Variants in FRMPD2 observed in about 807,000 individuals in gnomAD.
FRMPD2 encodes FERM and PDZ domain-containing protein 2.
In FRMPD2, 96 loss-of-function variants were observed where a neutral mutation model predicts 140.1. That is an observed-to-expected ratio of 0.69 (90% confidence interval 0.58 to 0.81). FRMPD2 has a LOEUF of 0.81. FRMPD2 is among the 40% of genes least tolerant of loss of function. The probability of loss-of-function intolerance (pLI) is 0.00; values close to 1 mark genes in which losing one functional copy is unlikely to be tolerated. For missense variants in FRMPD2, 1,240 were observed against 1,447.4 expected (o/e 0.86, Z 2.32); for synonymous variants, 449 against 547.6 (o/e 0.82, Z 2.52).
At chr10:48,186,173 G>T (rs1247983473) in intron 17 of FRMPD2, among the ~76,000 whole-genome samples, 1 of 152,224 alleles carries the variant, frequency 6.6e-6, no homozygotes, top group Admixed American at 6.5e-5. Flanking sequence ...GAGCCCTGAA[G>T]CTGTTCCTGG....
intron 10 of FRMPD2, among the ~76,000 whole-genome samples, chr10:48,226,643 T>C (rs1039366559): frequency 6.6e-6 from 1 of 152,208 alleles, no homozygotes; most frequent in Non-Finnish European, 1.5e-5. Context: ...AAAGGCAACA[T>C]CCTTATCTTC....
intron 13 of FRMPD2, among the ~76,000 whole-genome samples, chr10:48,207,720 C>T (rs1210751056): frequency 6.6e-6 from 1 of 152,194 alleles, no homozygotes; most frequent in Non-Finnish European, 1.5e-5. Flanking sequence ...CTCTGGGACC[C>T]ACAGCAAGGA....
At chr10:48,211,346 G>A (rs1018843821) in intron 13 of FRMPD2, among the ~76,000 whole-genome samples, 32 of 152,382 alleles carry the variant, frequency 2.1e-4, no homozygotes, top group African/African-American at 7.5e-4. Flanking sequence ...GCTATGTTGA[G>A]GACTGCTGCC....
intron 1 of FRMPD2, among the ~76,000 whole-genome samples, chr10:48,269,585 C>T (rs948424171): frequency 6.6e-6 from 1 of 152,212 alleles, no homozygotes; most frequent in Non-Finnish European, 1.5e-5. Flanking sequence ...GCTGATGGGA[C>T]TCAGGCAGGG....
At chr10:48,190,978 G>T (rs1812884168) in intron 16 of FRMPD2, among the ~76,000 whole-genome samples, 1 of 152,196 alleles carries the variant, frequency 6.6e-6, no homozygotes, top group Non-Finnish European at 1.5e-5. Context: ...GGTGACAAAT[G>T]AAAGATGTTC....
At position 48,216,151 on chromosome 10, in the gene FRMPD2, C is replaced by G. The variant is rs7080982; in HGVS notation, c.1456-4042G>C. Among the ~76,000 whole-genome samples, 594 of 152,320 alleles carry G rather than the reference C, an allele frequency of 3.9e-3. 2 individuals carry two copies. Among genetic ancestry groups the G allele is most frequent in the African/African-American group, 0.014 (568 of 41,564 alleles). On this transcript the variant is annotated intron_variant, in intron 12 of 28. Coordinates refer to ENST00000374201, the MANE Select transcript of FRMPD2 (RefSeq NM_001018071.4). ...CCGGGTTTACAGCCTGCTAACTACA[C>G]AGCTTGAGGCTTCTCAGCCTACATA...
intron 23 of FRMPD2, 42 bp from the exon 24 acceptor site, chr10:48,174,997 G>A (rs1360785544): frequency 1.4e-5 from 10 of 703,458 alleles, no homozygotes; most frequent in Middle Eastern, 4.0e-4. Flanking sequence ...TGGTGCTTGA[G>A]GCTGCAGGAG....
At chr10:48,228,961 G>A (rs146671355) in intron 10 of FRMPD2, among the ~76,000 whole-genome samples, 2,687 of 152,076 alleles carry the variant, frequency 0.018, 71 homozygotes, top group African/African-American at 0.06. Context: ...AGAAATTTTT[G>A]TGTGATCAAG....
At position 48,215,023 on chromosome 10, in the gene FRMPD2, G is replaced by A. The variant is rs116324359; in HGVS notation, c.1456-2914C>T. ...GCACCCAGAGGAAAGTTATTCTGCTGTGATGATGTGATTAAGGAGATTTAT... is the reference window on the plus strand; with the variant it reads ...GCACCCAGAGGAAAGTTATTCTGCTATGATGATGTGATTAAGGAGATTTAT... On this transcript the variant is annotated intron_variant, in intron 12 of 28. Transcript: ENST00000374201. 3.3e-3 allele frequency among the ~76,000 whole-genome samples: 496 copies of A among 152,352 alleles called. 4 individuals carry two copies. The highest frequency in any genetic ancestry group is 0.011 in the African/African-American group (444 of 41,580).
At chr10:48,201,988 C>A (rs1839096837) in intron 14 of FRMPD2, among the ~76,000 whole-genome samples, 2 of 151,528 alleles carry the variant, frequency 1.3e-5, no homozygotes, top group African/African-American at 4.8e-5. Flanking sequence ...GGTCACACCA[C>A]AAAGAAACGC....
Position 48,219,983 on chromosome 10 carries a change from T to C in FRMPD2, c.1455+2330A>G, listed in dbSNP as rs914877373. 4.6e-5 allele frequency among the ~76,000 whole-genome samples: 7 copies of C among 152,172 alleles called. No individual in the cohort carries two copies. In the East Asian group the frequency reaches 1.3e-3, roughly 29 times the overall value. On this transcript the variant is annotated intron_variant, in intron 12 of 28. Coordinates refer to ENST00000374201, the MANE Select transcript of FRMPD2 (RefSeq NM_001018071.4). ...AACTTCAGATCACTCTTCTAGAAAA[T>C]TGAGTGATAATATCAACTCTATGAT...
chr10:48,216,065 A>C (rs1839439766), intron 12 of FRMPD2, among the ~76,000 whole-genome samples: 1 of 152,216 alleles, frequency 6.6e-6, no homozygotes, highest in Non-Finnish European at 1.5e-5. Flanking sequence ...GACTCTCTTC[A>C]TGCCAGTTCT....
chr10:48,180,063 T>C (rs1838505731), intron 21 of FRMPD2, among the ~76,000 whole-genome samples: 1 of 152,042 alleles, frequency 6.6e-6, no homozygotes, highest in African/African-American at 2.4e-5. Flanking sequence ...AGGCAACCTG[T>C]GTCAGCACAG....
rs188749290 is a variant in FRMPD2, at chr10:48,201,984, A to T, written c.1798-600T>A. ...AAAATGCCACAGGAATTGAGGTCAC[A>T]CCACAAAGAAACGCTTCCCCACATT... is the stretch of plus-strand genomic sequence containing the variant. On this transcript the variant is annotated intron_variant, in intron 14 of 28. Transcript: ENST00000374201. Among the ~76,000 whole-genome samples, 114 of 152,154 alleles carry T rather than the reference A, an allele frequency of 7.5e-4. 1 individual carries two copies. The highest frequency in any genetic ancestry group is 2.6e-3 in the African/African-American group (107 of 41,522).
chr10:48,228,617 G>A (rs1182798745), intron 10 of FRMPD2, among the ~76,000 whole-genome samples: 2 of 151,898 alleles, frequency 1.3e-5, no homozygotes, highest in African/African-American at 2.4e-5. Context: ...ATTTGTAAAA[G>A]GCAGTTTATG....
intron 15 of FRMPD2, among the ~76,000 whole-genome samples, chr10:48,200,031 A>G (rs1226643940): frequency 1.3e-5 from 2 of 152,138 alleles, no homozygotes; most frequent in African/African-American, 4.8e-5. Context: ...CCAGACCAAG[A>G]AGCACCTGAG....
chr10:48,218,217 T>A (rs1460487690), intron 12 of FRMPD2, among the ~76,000 whole-genome samples: 6 of 152,190 alleles, frequency 3.9e-5, no homozygotes, highest in African/African-American at 7.2e-5. Flanking sequence ...TCATCTCAAA[T>A]TAATCACCTT....
intron 16 of FRMPD2, among the ~76,000 whole-genome samples, chr10:48,187,812 G>A (rs560025499): frequency 7.9e-5 from 12 of 152,314 alleles, no homozygotes; most frequent in Admixed American, 6.5e-5. Context: ...TCACTGACCT[G>A]CTTGATCATT....
intron 22 of FRMPD2, chr10:48,177,632 C>T (rs1838443497): frequency 5.6e-6 from 1 of 178,262 alleles, no homozygotes; most frequent in African/African-American, 2.3e-5. Flanking sequence ...GAGCAAGAGG[C>T]TCCACACTGA....
Sources: allele counts gnomAD v4.1 joint callset (sites outside exome capture counted in the v4.1 genomes callset), GRCh38; gene constraint gnomAD v4.1.1; transcripts MANE v1.5; gene names NCBI Gene and HGNC (gene_info 2026-07-23, HGNC 2026-07-21).